Variants in HELB observed in about 807,000 individuals in gnomAD.
HELB encodes DNA 5'-3' helicase B.
A neutral mutation model predicts 101.7 loss-of-function variants in HELB; 96 were observed. That is an observed-to-expected ratio of 0.94 (90% confidence interval 0.80 to 1.12). HELB has a LOEUF of 1.12. Ranked by LOEUF, HELB falls within the 50% of genes most tolerant of loss-of-function variation. HELB has a pLI of 0.00. For missense variants in HELB, 1,210 were observed against 1,291.9 expected, an observed-to-expected ratio of 0.94 and a Z score of 0.97; for synonymous variants, 437 against 459.7, an observed-to-expected ratio of 0.95 and a Z score of 0.63.
chr12:66,322,120 A>T (rs559082701), intron 8 of HELB, 91 bp downstream of exon 8: 2 of 587,426 alleles, frequency 3.4e-6, no homozygotes, highest in African/African-American at 3.8e-5. Context: ...GGAGATTCCA[A>T]TATTTCATCA....
chr12:66,319,187 A>T (rs2053643669), intron 7 of HELB, among the ~76,000 whole-genome samples: 1 of 152,248 alleles, frequency 6.6e-6, no homozygotes, highest in South Asian at 2.1e-4. Context: ...AATAAAGGCA[A>T]ATACTTTTAT....
At chr12:66,303,124 T>G (rs1275012282) in intron 1 of HELB, among the ~76,000 whole-genome samples, 1 of 147,362 alleles carries the variant, frequency 6.8e-6, no homozygotes, top group African/African-American at 2.5e-5. Flanking sequence ...ATTCTCATTT[T>G]AATGGTCGTC....
chr12:66,318,592 T>A (rs1404260790), intron 6 of HELB, 46 bp from the exon 7 acceptor site: 1 of 1,536,024 alleles, frequency 6.5e-7, no homozygotes, highest in East Asian at 2.3e-5. Flanking sequence ...TGAAGACATT[T>A]TTGGATGATA....
intron 12 of HELB, among the ~76,000 whole-genome samples, chr12:66,333,285 A>G (rs1259865633): frequency 1.3e-5 from 2 of 152,160 alleles, no homozygotes. Flanking sequence ...GCCTCCCTAA[A>G]AAGGTGACAT....
intron 12 of HELB, 99 bp downstream of exon 12, chr12:66,331,744 CT>C: frequency 8.8e-7 from 1 of 1,142,036 alleles, no homozygotes; most frequent in Non-Finnish European, 1.2e-6. Context: ...TTGCATTGTG[CT>C]GTTGGACTTA....
intron 12 of HELB, among the ~76,000 whole-genome samples, chr12:66,333,981 G>A (rs2053837800): frequency 6.6e-6 from 1 of 151,886 alleles, no homozygotes; most frequent in African/African-American, 2.4e-5. Context: ...GTAATATGGT[G>A]AACCCCCATC....
intron 12 of HELB, 107 bp downstream of exon 12, chr12:66,331,752 C>A: frequency 9.2e-7 from 1 of 1,085,326 alleles, no homozygotes; most frequent in Non-Finnish European, 1.3e-6. Flanking sequence ...TGCTGTTGGA[C>A]TTAAAAACAA....
downstream of HELB, chr12:66,338,219 G>A: frequency 1.5e-6 from 1 of 673,460 alleles, no homozygotes; most frequent in South Asian, 1.6e-5. Context: ...TAAGGTATTT[G>A]TGTTAGCAAA....
At chr12:66,320,168 GC>G in intron 7 of HELB, among the ~76,000 whole-genome samples, 1 of 151,744 alleles carries the variant, frequency 6.6e-6, no homozygotes, top group Non-Finnish European at 1.5e-5. Flanking sequence ...GATTGTGGGG[GC>G]CAATGATTTG....
intron 11 of HELB, 29 bp from the exon 12 acceptor site, chr12:66,331,121 CATTT>C: frequency 6.4e-7 from 1 of 1,561,454 alleles, no homozygotes; most frequent in East Asian, 2.2e-5. Context: ...TATTTTATAG[CATTT>C]AGTCTTCACA....
chr12:66,342,978 G>A (rs2053928675), downstream of HELB: 1 of 152,198 alleles, frequency 6.6e-6, no homozygotes, highest in African/African-American at 2.4e-5. Flanking sequence ...TTATAGTCAT[G>A]AGCCACTGCG....
chr12:66,334,522 C>A (rs2053844941), intron 12 of HELB, among the ~76,000 whole-genome samples: 1 of 149,834 alleles, frequency 6.7e-6, no homozygotes, highest in South Asian at 2.1e-4. Context: ...CACCTGTAAT[C>A]CTAGCTCTTT....
chr12:66,311,298 C>T (rs1472863527), intron 4 of HELB, among the ~76,000 whole-genome samples: 1 of 152,084 alleles, frequency 6.6e-6, no homozygotes, highest in African/African-American at 2.4e-5. Context: ...CCCATCTCTA[C>T]AAACAATTAA....
intron 3 of HELB, among the ~76,000 whole-genome samples, 167 bp downstream of exon 3, chr12:66,306,681 T>C (rs2053480455): frequency 6.6e-6 from 1 of 152,148 alleles, no homozygotes; most frequent in South Asian, 2.1e-4. Flanking sequence ...GGCTATAGCA[T>C]AAGAAGCTAT....
intron 12 of HELB, 121 bp from the exon 13 acceptor site, chr12:66,337,880 C>G (rs961586175): frequency 3.2e-5 from 20 of 618,510 alleles, no homozygotes; most frequent in African/African-American, 7.4e-5. Context: ...GTTGCTGAAG[C>G]CTTTCAAGGG....
At chr12:66,325,200 T>A in intron 11 of HELB, 74 bp downstream of exon 11, 1 of 1,091,810 alleles carries the variant, frequency 9.2e-7, no homozygotes, top group Non-Finnish European at 1.3e-6. Flanking sequence ...TTTCGTAAAT[T>A]TTTGTTGCAC....
chr12:66,343,020 C>G (rs1448506667), downstream of HELB: 1 of 152,014 alleles, frequency 6.6e-6, no homozygotes, highest in East Asian at 1.9e-4. Flanking sequence ...AATGCCAGCA[C>G]CATATTGTCT....
Position 66,302,726 on chromosome 12 carries a change from C to T in HELB, c.123C>T (p.Phe41=). 2.5e-6 allele frequency: 4 copies of T among 1,614,066 alleles called. No individual in the cohort carries two copies. The highest frequency in any genetic ancestry group is 3.4e-6 in the Non-Finnish European group (4 of 1,179,954). ...TGGAGGAGGATGAAGAGTCCGTGTT[C>T]ATCGACGCCGAGGAGCTCTGCAGTG... ...DDVEEDEESV[F]IDAEELCSGG... Residue 41 remains phenylalanine, a synonymous_variant, in exon 1 of 13, where the codon TTC becomes TTT. Transcript: ENST00000247815.
At chr12:66,322,156 G>GAAT in intron 8 of HELB, 127 bp downstream of exon 8, 1 of 541,218 alleles carries the variant, frequency 1.8e-6, no homozygotes. Context: ...CTTATTTTGG[G>GAAT]GTATGTCTTT....
Sources: gnomAD v4.1 joint callset for allele counts (sites outside exome capture counted in the v4.1 genomes callset) on GRCh38, gnomAD v4.1.1 for gene constraint, MANE v1.5 for transcripts, NCBI Gene and HGNC (gene_info 2026-07-23, HGNC 2026-07-21) for gene names.